NUP107: variants seen among roughly 807,000 people sequenced by gnomAD.
The protein encoded by NUP107 is nucleoporin 107.
A neutral mutation model predicts 141.0 loss-of-function variants in NUP107; 101 were observed. The ratio of observed to expected loss-of-function variants is 0.72; its 90% CI spans 0.61 to 0.84. The LOEUF (loss-of-function observed/expected upper bound fraction) is 0.84. Ranked by LOEUF, NUP107 falls within the 40% of genes least tolerant of loss-of-function variation. The probability of loss-of-function intolerance (pLI) is 0.00; values close to 1 mark genes in which losing one functional copy is unlikely to be tolerated. For synonymous variants in NUP107, 319 were observed against 363.9 expected (o/e 0.88, Z 1.41); for missense variants, 941 against 1,102.7 (o/e 0.85, Z 2.08).
At chr12:68,711,212 G>A (rs955732234) in intron 10 of NUP107, among the ~76,000 whole-genome samples, 9 of 152,030 alleles carry the variant, frequency 5.9e-5, no homozygotes, top group South Asian at 2.1e-4. Context: ...TTAGCCAGGC[G>A]TGGTGGCGGG....
At chr12:68,741,526 A>G (rs190229081) in intron 26 of NUP107, among the ~76,000 whole-genome samples, 2 of 152,116 alleles carry the variant, frequency 1.3e-5, no homozygotes, top group African/African-American at 2.4e-5. Flanking sequence ...AGGAGTGGTG[A>G]TTGTTTTCTG....
chr12:68,687,704 T>G (rs750831761), intron 1 of NUP107: 34 of 941,628 alleles, frequency 3.6e-5, no homozygotes, highest in Non-Finnish European at 4.2e-5. Context: ...TTATTCGTAC[T>G]CCAAACATTG....
chr12:68,737,428 G>A (rs936643816), intron 26 of NUP107, among the ~76,000 whole-genome samples: 1 of 150,910 alleles, frequency 6.6e-6, no homozygotes, highest in East Asian at 1.9e-4. Flanking sequence ...TTAGCCTGGT[G>A]TGGTGGTGCA....
intron 6 of NUP107, among the ~76,000 whole-genome samples, chr12:68,699,982 A>C (rs1279982399): frequency 6.6e-6 from 1 of 152,054 alleles, no homozygotes; most frequent in Non-Finnish European, 1.5e-5. Flanking sequence ...TGCTCACTGC[A>C]ACCTCTGCCT....
rs1592530163 is a variant in NUP107, at chr12:68,745,745, A to G, written c.*3283A>G. ...GGAGAAACCCTTGTAGTTATACCCG[A>G]TGATGCTGTCTGTTGGAAAGTAAAT... On this transcript the variant is annotated 3_prime_UTR_variant, in exon 28 of 28. Transcript: ENST00000229179. 6.6e-6 allele frequency: 1 copy of G among 152,294 alleles called. No individual in the cohort carries two copies. The highest frequency in any genetic ancestry group is 2.4e-5 in the African/African-American group (1 of 41,470). The allele number at this position is 152,294 out of a possible 1,614,324, so 9.4% of individuals were successfully genotyped here. A position where few individuals can be genotyped will look rare whatever the true frequency, so the allele number is the denominator to read the frequency against.
chr12:68,695,891 C>A (rs1876026916), intron 5 of NUP107, among the ~76,000 whole-genome samples: 1 of 151,146 alleles, frequency 6.6e-6, no homozygotes, highest in African/African-American at 2.4e-5. Flanking sequence ...CCTATAGTCC[C>A]AGCTACTGGG....
intron 6 of NUP107, among the ~76,000 whole-genome samples, chr12:68,699,779 G>T (rs1183272161): frequency 6.6e-6 from 1 of 152,124 alleles, no homozygotes; most frequent in African/African-American, 2.4e-5. Context: ...CTTTGAGAAA[G>T]ATTTTCTTTA....
chr12:68,737,971 G>A (rs754688802), intron 26 of NUP107, among the ~76,000 whole-genome samples: 5 of 151,960 alleles, frequency 3.3e-5, no homozygotes, highest in African/African-American at 7.2e-5. Flanking sequence ...GTGAAACTCC[G>A]TCTCTACTAA....
chr12:68,721,200 T>C, intron 15 of NUP107, 23 bp downstream of exon 15: 1 of 1,534,338 alleles, frequency 6.5e-7, no homozygotes, highest in Non-Finnish European at 8.9e-7. Context: ...TTTTAATGTT[T>C]AAATTTTTTC....
At chr12:68,732,878 T>C (rs558357086) in intron 23 of NUP107, 139 bp downstream of exon 23, 16 of 498,712 alleles carry the variant, frequency 3.2e-5, no homozygotes, top group East Asian at 2.2e-4. Flanking sequence ...AGATGGGGTC[T>C]CACTATGTTG....
Position 68,732,636 on chromosome 12 carries a change from G to C in NUP107, c.1999-1G>C, listed in dbSNP as rs764852179. ...TTCTTTTTTTCCCCTTTAATAAATA[G>C]GAGGATCGTTTAAAAATTGATGTAA... On this transcript the variant is annotated splice_acceptor_variant, in intron 22 of 27. Coordinates refer to ENST00000229179, the MANE Select transcript of NUP107 (RefSeq NM_020401.4). LOFTEE classifies it high-confidence loss of function. 6.3e-7 allele frequency: 1 copy of C among 1,575,136 alleles called. No individual in the cohort carries two copies. The highest frequency in any genetic ancestry group is 8.7e-7 in the Non-Finnish European group (1 of 1,154,634).
intron 20 of NUP107, 63 bp downstream of exon 20, chr12:68,727,452 A>G: frequency 1.1e-6 from 1 of 898,934 alleles, no homozygotes; most frequent in Non-Finnish European, 1.8e-6. Context: ...AAAACTCAGA[A>G]TGATGCTATT....
intron 24 of NUP107, among the ~76,000 whole-genome samples, 178 bp downstream of exon 24, chr12:68,733,790 T>G (rs1487290234): frequency 1.3e-5 from 2 of 152,208 alleles, no homozygotes; most frequent in Non-Finnish European, 2.9e-5. Flanking sequence ...TTAGCATGAT[T>G]CTCTAATCAA....
chr12:68,737,510 G>A (rs906677713), intron 26 of NUP107, among the ~76,000 whole-genome samples: 6 of 141,414 alleles, frequency 4.2e-5, no homozygotes, highest in Admixed American at 3.8e-4. Context: ...GCAGTGAGCC[G>A]AGATCGTGCC....
chr12:68,699,615 G>A (rs1876229599), intron 6 of NUP107, among the ~76,000 whole-genome samples: 1 of 152,260 alleles, frequency 6.6e-6, no homozygotes, highest in Admixed American at 6.5e-5. Context: ...ATGAAGTACA[G>A]ATAACACTTT....
chr12:68,691,624 A>G (rs1313164103), intron 4 of NUP107, among the ~76,000 whole-genome samples: 1 of 152,176 alleles, frequency 6.6e-6, no homozygotes, highest in Non-Finnish European at 1.5e-5. Flanking sequence ...ACATGAGGCC[A>G]GGAATTTGAG....
At chr12:68,690,529 G>A (rs1019561223) in intron 3 of NUP107, 102 bp from the exon 4 acceptor site, 2 of 1,457,734 alleles carry the variant, frequency 1.4e-6, no homozygotes, top group Non-Finnish European at 1.9e-6. Context: ...TCTAAATAAT[G>A]GAAAACTGAA....
At chr12:68,692,446 G>A (rs1332262911) in intron 5 of NUP107, among the ~76,000 whole-genome samples, 3 of 152,026 alleles carry the variant, frequency 2.0e-5, no homozygotes, top group Admixed American at 2.0e-4. Context: ...GGGTATGGTG[G>A]TGCACACCTG....
At chr12:68,733,140 G>A (rs1159269702) in intron 23 of NUP107, among the ~76,000 whole-genome samples, 1 of 152,060 alleles carries the variant, frequency 6.6e-6, no homozygotes. Flanking sequence ...TATTTTAATG[G>A]TGAATTTTCA....
Sources: allele counts gnomAD v4.1 joint callset (sites outside exome capture counted in the v4.1 genomes callset), GRCh38; gene constraint gnomAD v4.1.1; transcripts MANE v1.5; gene names NCBI Gene and HGNC (gene_info 2026-07-23, HGNC 2026-07-21).